The following DOCK4 variants were observed in gnomAD, a reference collection of about 807,000 sequenced individuals.
DOCK4 encodes dedicator of cytokinesis 4.
DOCK4 carries 97 observed loss-of-function variants against 268.1 expected under a neutral mutation model. The observed-to-expected ratio is 0.36, with a 90% CI of 0.31 to 0.43. The LOEUF is 0.43. DOCK4 is among the 20% of genes least tolerant of loss of function. The probability of loss-of-function intolerance (pLI) is 1.00; values close to 1 mark genes in which losing one functional copy is unlikely to be tolerated. For synonymous variants in DOCK4, 954 were observed against 887.2 expected, an observed-to-expected ratio of 1.08 and a Z score of -1.34; for missense variants, 2,145 against 2,455.7, an observed-to-expected ratio of 0.87 and a Z score of 2.67.
At chr7:111,945,692 T>C (rs1562923394) in intron 9 of DOCK4, 25 bp downstream of exon 9, 4 of 1,564,284 alleles carry the variant, frequency 2.6e-6, no homozygotes, top group African/African-American at 1.4e-5. Flanking sequence ...GAATCTGCCT[T>C]ATGAATGAAA....
At chr7:112,080,756 A>G (rs77670962) in intron 1 of DOCK4, among the ~76,000 whole-genome samples, 2 of 152,350 alleles carry the variant, frequency 1.3e-5, no homozygotes, top group East Asian at 3.9e-4. Flanking sequence ...CCAAATACGT[A>G]AGACAACCAC....
chr7:111,953,239 A>G (rs1796196573), intron 8 of DOCK4, among the ~76,000 whole-genome samples: 1 of 151,888 alleles, frequency 6.6e-6, no homozygotes, highest in Non-Finnish European at 1.5e-5. Flanking sequence ...ACGCTGTTTG[A>G]AGAGTGTGAG....
At chr7:112,105,702 T>C (rs1032614579) in intron 1 of DOCK4, among the ~76,000 whole-genome samples, 12 of 149,570 alleles carry the variant, frequency 8.0e-5, no homozygotes, top group African/African-American at 2.9e-4. Context: ...TTTTTTTTTT[T>C]CTTCGAGGCA....
chr7:112,020,639 A>C (rs1490837028), intron 1 of DOCK4, among the ~76,000 whole-genome samples: 1 of 151,740 alleles, frequency 6.6e-6, no homozygotes, highest in African/African-American at 2.4e-5. Flanking sequence ...GATAGGCCAA[A>C]ACTGACTTGG....
Position 111,844,820 on chromosome 7 carries a change from G to T in DOCK4, c.2679C>A (p.Ile893=), listed in dbSNP as rs1803965355. 1 of 1,613,654 alleles carries T rather than the reference G, an allele frequency of 6.2e-7. No individual in the cohort carries two copies. Among genetic ancestry groups the T allele is most frequent in the Non-Finnish European group, 8.5e-7 (1 of 1,179,732 alleles). The part of the protein sequence containing the change: ...LDILLRTILE[I]TSRPQPSSSA... ...AGCTGGATGGCTGAGGTCGGCTGGTGATCTCCAATATGGTCCTCAGCAGAA... is the reference window on the plus strand; with the variant it reads ...AGCTGGATGGCTGAGGTCGGCTGGTTATCTCCAATATGGTCCTCAGCAGAA... Residue 893 remains isoleucine, a synonymous_variant, in exon 25 of 53, where the codon ATC becomes ATA. Coordinates refer to ENST00000428084, the MANE Select transcript of DOCK4 (RefSeq NM_001363540.2).
At chr7:111,921,892 T>C (rs569945318) in intron 12 of DOCK4, among the ~76,000 whole-genome samples, 1 of 152,316 alleles carries the variant, frequency 6.6e-6, no homozygotes, top group East Asian at 1.9e-4. Flanking sequence ...AGAAATAAAA[T>C]ATTTCTTTTA....
At chr7:112,194,031 T>C (rs1820205238) in intron 1 of DOCK4, among the ~76,000 whole-genome samples, 1 of 152,088 alleles carries the variant, frequency 6.6e-6, no homozygotes, top group Non-Finnish European at 1.5e-5. Flanking sequence ...ATGACCTCAT[T>C]TAATCTTAGT....
At chr7:111,863,698 C>T (rs1253995031) in intron 22 of DOCK4, 134 bp from the exon 23 acceptor site, 20 of 973,652 alleles carry the variant, frequency 2.1e-5, no homozygotes, top group Middle Eastern at 2.3e-4. Flanking sequence ...GTTTCTGTTA[C>T]CTAAAGCTAA....
chr7:111,895,011 G>A (rs892647140), intron 16 of DOCK4, among the ~76,000 whole-genome samples: 26 of 152,192 alleles, frequency 1.7e-4, no homozygotes, highest in Non-Finnish European at 4.4e-5. Flanking sequence ...AAAATTGCCT[G>A]TGCACTTAAA....
At chr7:112,139,706 G>A (rs1402405126) in intron 1 of DOCK4, among the ~76,000 whole-genome samples, 11 of 152,110 alleles carry the variant, frequency 7.2e-5, no homozygotes, top group Non-Finnish European at 8.8e-5. Context: ...ATATAGTCAA[G>A]GTGACAAAAC....
intron 39 of DOCK4, among the ~76,000 whole-genome samples, chr7:111,760,736 TTTTGTG>T (rs1305021763): frequency 1.2e-4 from 15 of 123,090 alleles, no homozygotes; most frequent in African/African-American, 4.9e-4. Context: ...GTTGTCTGCT[TTTTGTG>T]TGTGTGTGTG....
At chr7:111,831,080 T>C (rs1376630850) in intron 26 of DOCK4, among the ~76,000 whole-genome samples, 1 of 151,912 alleles carries the variant, frequency 6.6e-6, no homozygotes, top group Admixed American at 6.6e-5. Context: ...CCATAACCCA[T>C]CTCTCTCTCT....
intron 1 of DOCK4, 146 bp from the exon 2 acceptor site, chr7:112,004,277 C>A: frequency 1.7e-6 from 1 of 597,412 alleles, no homozygotes; most frequent in Non-Finnish European, 2.8e-6. Context: ...TTATATCTTT[C>A]TAAGAAAATC....
At chr7:111,747,076 A>G (rs926997628) in intron 43 of DOCK4, among the ~76,000 whole-genome samples, 191 bp downstream of exon 43, 7 of 152,178 alleles carry the variant, frequency 4.6e-5, no homozygotes, top group Non-Finnish European at 7.3e-5. Flanking sequence ...CAAATATAAC[A>G]TGTTGGGAAA....
intron 1 of DOCK4, among the ~76,000 whole-genome samples, chr7:112,135,631 T>C (rs766904718): frequency 7.2e-5 from 11 of 152,066 alleles, no homozygotes; most frequent in Admixed American, 5.2e-4. Flanking sequence ...AAGCTGCCTG[T>C]AGACTGCTGT....
intron 17 of DOCK4, among the ~76,000 whole-genome samples, chr7:111,873,498 T>C (rs546512805): frequency 4.7e-4 from 72 of 152,266 alleles, no homozygotes; most frequent in Non-Finnish European, 9.0e-4. Context: ...CAGACTAGAC[T>C]GGCCGAGAGA....
At chr7:111,772,370 T>C (rs944538444) in intron 36 of DOCK4, among the ~76,000 whole-genome samples, 16 of 151,456 alleles carry the variant, frequency 1.1e-4, no homozygotes, top group African/African-American at 3.4e-4. Flanking sequence ...GAGACCCCCA[T>C]CTCAAAAAAA....
At chr7:112,179,822 C>T (rs62476053) in intron 1 of DOCK4, among the ~76,000 whole-genome samples, 8,680 of 152,242 alleles carry the variant, frequency 0.057, 453 homozygotes, top group African/African-American at 0.14. Flanking sequence ...GTGAAACACA[C>T]ACCTCAAAGG....
At chr7:112,012,136 A>G (rs1030806280) in intron 1 of DOCK4, among the ~76,000 whole-genome samples, 1 of 152,178 alleles carries the variant, frequency 6.6e-6, no homozygotes, top group Non-Finnish European at 1.5e-5. Flanking sequence ...ATAATTGTTA[A>G]CTGGAAATTT....
Sources: allele counts gnomAD v4.1 joint callset (sites outside exome capture counted in the v4.1 genomes callset), GRCh38; gene constraint gnomAD v4.1.1; transcripts MANE v1.5; gene names NCBI Gene and HGNC (gene_info 2026-07-23, HGNC 2026-07-21).